The following NMBR variants were observed in gnomAD, a reference collection of about 807,000 sequenced individuals.
NMBR encodes neuromedin-B receptor.
Under a neutral mutation model 20.5 loss-of-function variants are expected in NMBR, and 16 were observed. The ratio of observed to expected loss-of-function variants is 0.78; its 90% CI spans 0.53 to 1.19. The LOEUF (loss-of-function observed/expected upper bound fraction) is 1.19. NMBR is among the 50% of genes most tolerant of loss of function. NMBR has a pLI of 0.00. For missense variants in NMBR, 582 were observed against 499.1 expected (o/e 1.17, Z -1.58); for synonymous variants, 212 against 196.6 (o/e 1.08, Z -0.65).
intron 1 of NMBR, among the ~76,000 whole-genome samples, chr6:142,140,637 C>A (rs1778348176): frequency 6.6e-6 from 1 of 151,936 alleles, no homozygotes; most frequent in Non-Finnish European, 1.5e-5. Context: ...CTTTTAAAAG[C>A]CAGACCAAAT....
intron 1 of NMBR, among the ~76,000 whole-genome samples, chr6:142,139,237 C>G (rs1778322698): frequency 1.3e-5 from 2 of 152,130 alleles, no homozygotes; most frequent in Admixed American, 1.3e-4. Flanking sequence ...GAAGACTTCC[C>G]CTTAACATTA....
At chr6:142,099,050 T>C (rs1283544391) in intron 1 of NMBR, among the ~76,000 whole-genome samples, 3 of 152,076 alleles carry the variant, frequency 2.0e-5, no homozygotes, top group African/African-American at 7.2e-5. Flanking sequence ...AGGGTAAACA[T>C]TGGAACCAAG....
intron 1 of NMBR, among the ~76,000 whole-genome samples, chr6:142,127,657 C>A (rs1490682605): frequency 1.3e-5 from 2 of 150,290 alleles, no homozygotes; most frequent in African/African-American, 4.9e-5. Context: ...CTTTTTTTTT[C>A]TTCATCAGTG....
At position 142,075,185 on chromosome 6, in the gene NMBR, T is replaced by C. The variant is rs2114548859; in HGVS notation, c.*463A>G. Among the ~76,000 whole-genome samples the C allele has an allele frequency of 6.6e-6, 1 of 152,042 alleles. No individual in the cohort carries two copies. Among genetic ancestry groups the C allele is most frequent in the African/African-American group, 2.4e-5 (1 of 41,492 alleles). On this transcript the variant is annotated 3_prime_UTR_variant, in exon 4 of 4. Coordinates refer to ENST00000258042, the MANE Select transcript of NMBR (RefSeq NM_002511.4). ...AGGACAATCTGACTTGTATTTCAAA[T>C]AATAGGAGTTTGAATATTACCCTCA...
At chr6:142,099,216 C>A (rs1174367820) in intron 1 of NMBR, among the ~76,000 whole-genome samples, 1 of 152,126 alleles carries the variant, frequency 6.6e-6, no homozygotes, top group Non-Finnish European at 1.5e-5. Flanking sequence ...CCTGGAAGAT[C>A]ACATAGAAGA....
intron 2 of NMBR, among the ~76,000 whole-genome samples, chr6:142,087,986 C>A (rs1484520960): frequency 6.6e-6 from 1 of 152,084 alleles, no homozygotes; most frequent in Non-Finnish European, 1.5e-5. Flanking sequence ...CTAGGAGATG[C>A]AATTTTAAAT....
chr6:142,100,906 G>C (rs991407767), intron 1 of NMBR, among the ~76,000 whole-genome samples: 1 of 152,050 alleles, frequency 6.6e-6, no homozygotes, highest in Non-Finnish European at 1.5e-5. Context: ...CTATAAATTG[G>C]GTAGCTTATA....
intron 2 of NMBR, among the ~76,000 whole-genome samples, chr6:142,087,044 C>A (rs1011340440): frequency 3.3e-5 from 5 of 152,094 alleles, no homozygotes; most frequent in Admixed American, 6.5e-5. Flanking sequence ...GCCACATAAA[C>A]AAAATTAGGT....
At position 142,078,694 on chromosome 6, in the gene NMBR, A is replaced by G; in HGVS notation, c.632T>C (p.Ile211Thr). The change falls in exon 3 of 4, where the codon ATT (isoleucine) becomes ACT (threonine). Residue 211 changes from isoleucine (I) to threonine (T), a missense_variant. Coordinates refer to ENST00000258042, the MANE Select transcript of NMBR (RefSeq NM_002511.4). ...GACCAAGAAAATGAGCACTGAATGA[A>G]TCTTTGGATGTAATTCATCTGTTTG... The part of the protein sequence containing the change: ...YPQTDELHPK[I>T]HSVLIFLVYF... 1 of 1,614,056 alleles carries G rather than the reference A, an allele frequency of 6.2e-7. No homozygotes were observed. Among genetic ancestry groups the G allele is most frequent in the South Asian group, 1.1e-5 (1 of 91,082 alleles).
chr6:142,117,255 C>T (rs1777871678), intron 1 of NMBR, among the ~76,000 whole-genome samples: 1 of 151,840 alleles, frequency 6.6e-6, no homozygotes, highest in African/African-American at 2.4e-5. Flanking sequence ...GTTCATATGA[C>T]TCCAAAAAGT....
intron 1 of NMBR, among the ~76,000 whole-genome samples, chr6:142,090,216 G>C (rs1777298239): frequency 6.6e-6 from 1 of 151,988 alleles, no homozygotes; most frequent in African/African-American, 2.4e-5. Context: ...CTCTTCATTA[G>C]GGAAAACATT....
intron 1 of NMBR, among the ~76,000 whole-genome samples, chr6:142,113,762 G>T (rs1192012726): frequency 6.6e-6 from 1 of 151,992 alleles, no homozygotes; most frequent in East Asian, 1.9e-4. Context: ...CTATTTAGTT[G>T]CTTTACAGAT....
rs951608593 is a variant in NMBR, at chr6:142,089,020, T to C, written c.-362A>G. On this transcript the variant is annotated 5_prime_UTR_variant, in exon 2 of 4. Transcript: ENST00000258042. ...CAAGGAGCTGTCCCTTGGGGATCAG[T>C]AGAAGCACCTGCCGGACTCTTCGCC... 8 of 177,094 alleles carry C rather than the reference T, an allele frequency of 4.5e-5. No individual in the cohort carries two copies. The highest frequency in any genetic ancestry group is 9.7e-5 in the Non-Finnish European group (8 of 82,170). The allele number at this position is 177,094 out of a possible 1,614,324, so 11.0% of individuals were successfully genotyped here. A position where few individuals can be genotyped will look rare whatever the true frequency, so the allele number is the denominator to read the frequency against.
chr6:142,133,141 G>C (rs1778174659), intron 1 of NMBR: 2 of 665,730 alleles, frequency 3.0e-6, no homozygotes, highest in Admixed American at 2.2e-5. Context: ...GGAATGCCAG[G>C]ATAACATCTC....
At chr6:142,086,324 G>A (rs994544342) in intron 2 of NMBR, among the ~76,000 whole-genome samples, 12 of 152,092 alleles carry the variant, frequency 7.9e-5, no homozygotes, top group African/African-American at 2.9e-4. Context: ...AAAAAAGTTA[G>A]CACTGTGCTA....
intron 1 of NMBR, among the ~76,000 whole-genome samples, chr6:142,136,525 T>C (rs1297322443): frequency 6.6e-6 from 1 of 152,044 alleles, no homozygotes; most frequent in African/African-American, 2.4e-5. Context: ...CAATTTTGGC[T>C]TTTGTTGCCA....
chr6:142,141,277 T>A (rs1172892418), intron 1 of NMBR, among the ~76,000 whole-genome samples: 2 of 152,114 alleles, frequency 1.3e-5, no homozygotes, highest in Non-Finnish European at 2.9e-5. Context: ...CAGGGATGCA[T>A]CTAAATGTTT....
Position 142,098,267 on chromosome 6 carries a change from G to A in NMBR, c.-663-8946C>T, listed in dbSNP as rs570065310. 1.2e-4 allele frequency among the ~76,000 whole-genome samples: 18 copies of A among 152,108 alleles called. No individual in the cohort carries two copies. The East Asian group carries it at 1.5e-3, about 13-fold the overall frequency. On this transcript the variant is annotated intron_variant, in intron 1 of 3. Transcript: ENST00000258042. The stretch of plus-strand genomic sequence containing the variant: ...AACTCGAAACTATCTTGCTAACATC[G>A]GGGATGAAGAAAAATGTGTACTCTC...
At chr6:142,128,410 A>G (rs1297306699) in intron 1 of NMBR, among the ~76,000 whole-genome samples, 1 of 152,090 alleles carries the variant, frequency 6.6e-6, no homozygotes, top group Non-Finnish European at 1.5e-5. Context: ...TATGTTGAAT[A>G]TAAGTGGCAA....
Sources: allele counts gnomAD v4.1 joint callset (sites outside exome capture counted in the v4.1 genomes callset), GRCh38; gene constraint gnomAD v4.1.1; transcripts MANE v1.5; gene names NCBI Gene and HGNC (gene_info 2026-07-23, HGNC 2026-07-21).